PALD1: variants seen among roughly 807,000 people sequenced by gnomAD.
The protein encoded by PALD1 is paladin.
A neutral mutation model predicts 96.0 loss-of-function variants in PALD1; 57 were observed. The ratio of observed to expected loss-of-function variants is 0.59; its 90% CI spans 0.48 to 0.74. PALD1 has a LOEUF of 0.74. Among genes scored for constraint, PALD1 ranks in the 30% least tolerant of loss-of-function variants. The pLI is 0.00. For synonymous variants in PALD1, 464 were observed against 473.6 expected (o/e 0.98, Z 0.26); for missense variants, 1,063 against 1,143.7 (o/e 0.93, Z 1.02).
chr10:70,465,044 G>A, the PALD1 span, among the ~76,000 whole-genome samples: 2 of 150,416 alleles, frequency 1.3e-5, no homozygotes, highest in African/African-American at 2.5e-5. Flanking sequence ...GCATGATCTC[G>A]GCTCACTGCA....
chr10:70,496,787 T>C (rs1027054103), intron 1 of PALD1, among the ~76,000 whole-genome samples: 11 of 152,112 alleles, frequency 7.2e-5, no homozygotes, highest in Non-Finnish European at 1.5e-4. Context: ...AACTGCTGGG[T>C]GCTGGGGTAG....
At chr10:70,532,534 T>G in intron 5 of PALD1, 87 bp from the exon 6 acceptor site, 1 of 1,383,638 alleles carries the variant, frequency 7.2e-7, no homozygotes, top group Non-Finnish European at 1.0e-6. Flanking sequence ...CTCTGCATGG[T>G]CTGGTCACTC....
intron 18 of PALD1, among the ~76,000 whole-genome samples, chr10:70,557,930 CTTT>C (rs781513750): frequency 6.5e-5 from 6 of 92,870 alleles, no homozygotes; most frequent in East Asian, 2.6e-4. Flanking sequence ...TTGGCTCTTC[CTTT>C]TTTTTTTTTT....
intron 17 of PALD1, among the ~76,000 whole-genome samples, chr10:70,544,804 C>G (rs910232797): frequency 9.9e-5 from 15 of 152,164 alleles, no homozygotes; most frequent in African/African-American, 2.7e-4. Flanking sequence ...TGGACAGCTC[C>G]CTCCTACTCC....
At chr10:70,499,365 C>T (rs1190157507) in intron 1 of PALD1, among the ~76,000 whole-genome samples, 2 of 152,208 alleles carry the variant, frequency 1.3e-5, no homozygotes, top group Non-Finnish European at 2.9e-5. Flanking sequence ...CCCCAGGTCC[C>T]CTTCCTGGGC....
chr10:70,510,739 C>G (rs1005361422), intron 1 of PALD1, among the ~76,000 whole-genome samples: 1 of 152,206 alleles, frequency 6.6e-6, no homozygotes, highest in Non-Finnish European at 1.5e-5. Context: ...CCTCCAGATG[C>G]AGAGAGGCTT....
chr10:70,506,205 C>T (rs533001713), intron 1 of PALD1, among the ~76,000 whole-genome samples: 5 of 152,286 alleles, frequency 3.3e-5, no homozygotes, highest in South Asian at 2.1e-4. Flanking sequence ...TGGACCCTTA[C>T]GTGACATTGG....
Position 70,548,399 on chromosome 10 carries a change from A to G in PALD1, c.2262+953A>G, listed in dbSNP as rs77569735. ...GCCCTCAAGCCTGCCTGGGTCCCCAATACTCCCTGCTCTGTTGCACTCGGC... is the reference window on the plus strand; with the variant it reads ...GCCCTCAAGCCTGCCTGGGTCCCCAGTACTCCCTGCTCTGTTGCACTCGGC... On this transcript the variant is annotated intron_variant, in intron 18 of 19. Transcript: ENST00000263563. Among the ~76,000 whole-genome samples, 308 of 152,284 alleles carry G rather than the reference A, an allele frequency of 2.0e-3. 7 individuals carry two copies. The East Asian group carries it at 0.025, about 12-fold the overall frequency.
rs1328226556 is a variant in PALD1 at position 70,540,962 on chromosome 10, T to C, written c.1909-140T>C. The C allele has an allele frequency of 4.5e-6, 4 of 881,450 alleles. No individual in the cohort carries two copies. In the Admixed American group the frequency reaches 1.0e-4, roughly 22 times the overall value. The allele number at this position is 881,450 out of a possible 1,614,324, so 54.6% of individuals were successfully genotyped here. On this transcript the variant is annotated intron_variant, in intron 15 of 19. Transcript: ENST00000263563. The surrounding 1 kb of genome is among the most constrained non-coding windows in gnomAD (Gnocchi z 4.2). ...TGGTCTCATGCACCCCGGTGAGTTT[T>C]GTTTGTGTGTGCAAGCTTGGGAGCC...
chr10:70,523,438 G>C (rs989152024), intron 1 of PALD1, among the ~76,000 whole-genome samples: 4 of 152,160 alleles, frequency 2.6e-5, no homozygotes, highest in Admixed American at 2.6e-4. Context: ...TTTTGGCCCA[G>C]GTTGCTGGGA....
intron 18 of PALD1, among the ~76,000 whole-genome samples, chr10:70,550,286 G>T (rs553222478): frequency 6.6e-6 from 1 of 152,276 alleles, no homozygotes; most frequent in Non-Finnish European, 1.5e-5. Context: ...ACACAGCCAA[G>T]GCTGAGAGCC....
At chr10:70,480,198 GGTTT>G (rs1383150417) in intron 1 of PALD1, among the ~76,000 whole-genome samples, 6 of 152,216 alleles carry the variant, frequency 3.9e-5, no homozygotes, top group Non-Finnish European at 8.8e-5. Context: ...CCCACTCCCA[GGTTT>G]GTTTGTTTCC....
chr10:70,557,161 C>T (rs1170171294), intron 18 of PALD1, among the ~76,000 whole-genome samples: 2 of 152,234 alleles, frequency 1.3e-5, no homozygotes, highest in Admixed American at 1.3e-4. Flanking sequence ...CCCTGTGGAA[C>T]CTTGGGCAAG....
At chr10:70,553,023 A>G (rs1010124157) in intron 18 of PALD1, among the ~76,000 whole-genome samples, 1 of 152,162 alleles carries the variant, frequency 6.6e-6, no homozygotes, top group Admixed American at 6.5e-5. Context: ...CCAAGGCTTC[A>G]TAAGATTCCG....
chr10:70,511,720 C>G (rs1486080913), intron 1 of PALD1, among the ~76,000 whole-genome samples: 1 of 152,246 alleles, frequency 6.6e-6, no homozygotes, highest in African/African-American at 2.4e-5. Context: ...ACTCACTCCC[C>G]AAATCCCAAT....
rs1217234270 is a variant in PALD1, at chr10:70,541,501, G to A, written c.2088G>A (p.Val696=). 6.2e-7 allele frequency: 1 copy of A among 1,613,950 alleles called. No homozygotes were observed. The part of the protein sequence containing the change: ...PEVGEEELVS[V]PDAKFTKGEF... ...TGGGTGAGGAGGAGCTCGTGAGTGT[G>A]CCTGATGCCAAGTTCACTAAGGGTG... The change falls in exon 17 of 20, where the codon GTG becomes GTA. Residue 696 remains valine (V), a synonymous_variant. Transcript: ENST00000263563.
At chr10:70,537,382 G>T (rs979261701) in intron 10 of PALD1, among the ~76,000 whole-genome samples, 4 of 152,230 alleles carry the variant, frequency 2.6e-5, no homozygotes, top group Admixed American at 6.5e-5. Context: ...GGGACCACAG[G>T]CGTGAGCCAC....
At chr10:70,513,984 T>C (rs541095571) in intron 1 of PALD1, among the ~76,000 whole-genome samples, 1 of 152,218 alleles carries the variant, frequency 6.6e-6, no homozygotes, top group East Asian at 1.9e-4. Context: ...AGAGGGAGGC[T>C]TCCCCCTGCT....
At chr10:70,489,660 A>G (rs762849286) in intron 1 of PALD1, among the ~76,000 whole-genome samples, 22 of 152,162 alleles carry the variant, frequency 1.4e-4, no homozygotes, top group Non-Finnish European at 2.9e-4. Context: ...TGGACTTCCA[A>G]TTCACAGCCC....
Sources: allele counts gnomAD v4.1 joint callset (sites outside exome capture counted in the v4.1 genomes callset), GRCh38; gene constraint gnomAD v4.1.1; non-coding constraint Gnocchi (gnomAD v3.1); transcripts MANE v1.5; gene names NCBI Gene and HGNC (gene_info 2026-07-23, HGNC 2026-07-21).